Variants in FRMD3 observed in about 807,000 individuals in gnomAD.
The protein encoded by FRMD3 is FERM domain-containing protein 3.
A neutral mutation model predicts 70.2 loss-of-function variants in FRMD3; 33 were observed. That is an observed-to-expected ratio of 0.47 (90% CI 0.36 to 0.63). FRMD3 has a LOEUF of 0.63. FRMD3 is among the 20% of genes least tolerant of loss of function. The probability of loss-of-function intolerance (pLI) is 0.00; values close to 1 mark genes in which losing one functional copy is unlikely to be tolerated. For missense variants in FRMD3, 632 were observed against 711.4 expected, an observed-to-expected ratio of 0.89 and a Z score of 1.27; for synonymous variants, 279 against 255.9, an observed-to-expected ratio of 1.09 and a Z score of -0.86.
At chr9:83,324,923 C>G (rs534265192) in intron 6 of FRMD3, among the ~76,000 whole-genome samples, 1 of 152,168 alleles carries the variant, frequency 6.6e-6, no homozygotes, top group Non-Finnish European at 1.5e-5. Flanking sequence ...ACATCATCAC[C>G]AATATCTTAT....
intron 1 of FRMD3, among the ~76,000 whole-genome samples, chr9:83,534,464 A>G (rs1361485184): frequency 6.6e-6 from 1 of 152,230 alleles, no homozygotes; most frequent in East Asian, 1.9e-4. Flanking sequence ...CCTATCCTCT[A>G]TGCAGTGGCA....
At chr9:83,470,795 G>T (rs1175520814) in intron 1 of FRMD3, among the ~76,000 whole-genome samples, 1 of 152,220 alleles carries the variant, frequency 6.6e-6, no homozygotes, top group Non-Finnish European at 1.5e-5. Flanking sequence ...ATGAATATTT[G>T]CAGGCTGGAT....
At chr9:83,260,071 T>C (rs542609836) in intron 13 of FRMD3, among the ~76,000 whole-genome samples, 1 of 152,266 alleles carries the variant, frequency 6.6e-6, no homozygotes, top group East Asian at 1.9e-4. Context: ...ACCTGCAAAA[T>C]GGACCAGACC....
At chr9:83,467,847 T>C (rs1828170272) in intron 1 of FRMD3, 2 of 1,360,888 alleles carry the variant, frequency 1.5e-6, no homozygotes, top group Admixed American at 3.1e-5. Flanking sequence ...AATAGGTTGA[T>C]GGTTTTTTAA....
chr9:83,482,129 C>T (rs1412451843), intron 1 of FRMD3, among the ~76,000 whole-genome samples: 2 of 152,170 alleles, frequency 1.3e-5, no homozygotes, highest in Non-Finnish European at 1.5e-5. Flanking sequence ...TGGTCCTCAG[C>T]CATCACCAAC....
intron 3 of FRMD3, among the ~76,000 whole-genome samples, chr9:83,355,030 A>G (rs1209435587): frequency 6.6e-6 from 1 of 152,192 alleles, no homozygotes; most frequent in Non-Finnish European, 1.5e-5. Flanking sequence ...GTGCACCCAC[A>G]CCAGCTGTAT....
chr9:83,507,706 A>C (rs1472343466), intron 1 of FRMD3, among the ~76,000 whole-genome samples: 6 of 81,460 alleles, frequency 7.4e-5, no homozygotes, highest in Non-Finnish European at 1.4e-4. Context: ...ATATATATAT[A>C]TATATATATA....
chr9:83,384,981 G>T (rs1162804842), intron 2 of FRMD3, among the ~76,000 whole-genome samples: 1 of 152,106 alleles, frequency 6.6e-6, no homozygotes, highest in South Asian at 2.1e-4. Flanking sequence ...CTAAGGCATG[G>T]GGTGAGGGGA....
At chr9:83,481,265 C>A (rs536959613) in intron 1 of FRMD3, among the ~76,000 whole-genome samples, 52 of 152,282 alleles carry the variant, frequency 3.4e-4, no homozygotes, top group Non-Finnish European at 6.9e-4. Flanking sequence ...GGAGGCCTTG[C>A]ATATTCCAAT....
At chr9:83,372,869 T>C (rs1307277801) in intron 3 of FRMD3, 44 bp downstream of exon 3, 1 of 1,537,510 alleles carries the variant, frequency 6.5e-7, no homozygotes, top group Admixed American at 1.7e-5. Context: ...GTATCTATCT[T>C]TGGACACATT....
At chr9:83,258,215 T>G (rs1384223991) in intron 13 of FRMD3, among the ~76,000 whole-genome samples, 6 of 152,184 alleles carry the variant, frequency 3.9e-5, no homozygotes, top group Non-Finnish European at 7.3e-5. Context: ...TGATAGATGC[T>G]ATTACTAGAA....
At chr9:83,278,110 AT>A in intron 13 of FRMD3, among the ~76,000 whole-genome samples, 1 of 152,338 alleles carries the variant, frequency 6.6e-6, no homozygotes, top group East Asian at 1.9e-4. Flanking sequence ...AGGAGCTGAA[AT>A]TTGAGCTAAA....
chr9:83,478,621 C>T (rs1828455992), intron 1 of FRMD3, among the ~76,000 whole-genome samples: 1 of 152,076 alleles, frequency 6.6e-6, no homozygotes. Context: ...ACAGAATTAC[C>T]ATAGGATCCA....
chr9:83,287,500 A>G (rs1440118789), intron 13 of FRMD3, among the ~76,000 whole-genome samples: 1 of 152,090 alleles, frequency 6.6e-6, no homozygotes, highest in Non-Finnish European at 1.5e-5. Flanking sequence ...AAATCCCTCA[A>G]TGCCTCCTAG....
Position 83,290,675 on chromosome 9 carries a change from T to G in FRMD3, c.1123A>C (p.Ile375Leu), listed in dbSNP as rs1465695222. 31 of 1,613,836 alleles carry G rather than the reference T, an allele frequency of 1.9e-5. No individual in the cohort carries two copies. Among genetic ancestry groups the G allele is most frequent in the Non-Finnish European group, 2.5e-5 (30 of 1,179,930 alleles). The change falls in exon 13 of 14, where the codon ATT becomes CTT. Residue 375 changes from isoleucine to leucine, a missense_variant. Transcript: ENST00000304195. ...SSHSLNKQLI[I>L]NMEPLQPLLP... is the part of the protein sequence containing the mutation. Reference sequence around the variant, plus strand: ...AGGGGCTGCAGGGGTTCCATGTTAATGATGAGCTGTTTGTTCAAGGAGTGG... The same window carrying G: ...AGGGGCTGCAGGGGTTCCATGTTAAGGATGAGCTGTTTGTTCAAGGAGTGG...
At chr9:83,262,778 C>G (rs1833047016) in intron 13 of FRMD3, among the ~76,000 whole-genome samples, 1 of 152,122 alleles carries the variant, frequency 6.6e-6, no homozygotes, top group African/African-American at 2.4e-5. Flanking sequence ...CTCTAAGACC[C>G]TATGTGTTAT....
chr9:83,295,847 G>A (rs1249278618), intron 12 of FRMD3, among the ~76,000 whole-genome samples: 1 of 152,210 alleles, frequency 6.6e-6, no homozygotes, highest in Non-Finnish European at 1.5e-5. Context: ...GTTCAGGAGG[G>A]TTTGGCTTGG....
intron 1 of FRMD3, among the ~76,000 whole-genome samples, chr9:83,438,262 T>A (rs1199674710): frequency 6.6e-6 from 1 of 152,202 alleles, no homozygotes; most frequent in African/African-American, 2.4e-5. Context: ...AAATTCCAGC[T>A]TTTAAATTGC....
At chr9:83,485,987 T>C (rs1257615603) in intron 1 of FRMD3, among the ~76,000 whole-genome samples, 1 of 152,016 alleles carries the variant, frequency 6.6e-6, no homozygotes. Context: ...ATACATCATA[T>C]ACATTATGTA....
Sources: allele counts gnomAD v4.1 joint callset (sites outside exome capture counted in the v4.1 genomes callset), GRCh38; gene constraint gnomAD v4.1.1; transcripts MANE v1.5; gene names NCBI Gene and HGNC (gene_info 2026-07-23, HGNC 2026-07-21).